The following ZNF521 variants were observed in gnomAD, a reference collection of about 807,000 sequenced individuals.
ZNF521 encodes zinc finger protein 521, also known as LYST-interacting protein 3.
ZNF521 carries 14 observed loss-of-function variants against 105.5 expected under a neutral mutation model. That is an observed-to-expected ratio of 0.13 (90% CI 0.09 to 0.21). The LOEUF (loss-of-function observed/expected upper bound fraction) is 0.21. Among genes scored for constraint, ZNF521 ranks in the 10% least tolerant of loss-of-function variants. The pLI is 1.00. For missense variants in ZNF521, 1,233 were observed against 1,629.7 expected (o/e 0.76, Z 4.19); for synonymous variants, 635 against 606.0 (o/e 1.05, Z -0.70).
chr18:25,268,352 AAC>A (rs1419113001), intron 3 of ZNF521, among the ~76,000 whole-genome samples: 2 of 152,242 alleles, frequency 1.3e-5, no homozygotes, highest in African/African-American at 4.8e-5. Flanking sequence ...CAAGTTGGAA[AAC>A]ACACTTCAGG....
chr18:25,258,985 C>T (rs566055749), intron 3 of ZNF521, among the ~76,000 whole-genome samples: 9 of 152,246 alleles, frequency 5.9e-5, no homozygotes, highest in Non-Finnish European at 1.0e-4. Context: ...TTACACTTCA[C>T]AAAAACCTGT....
chr18:25,223,669 A>C (rs1905888783), intron 4 of ZNF521, among the ~76,000 whole-genome samples: 1 of 152,126 alleles, frequency 6.6e-6, no homozygotes, highest in Non-Finnish European at 1.5e-5. Context: ...AAGAAAGCAG[A>C]AAACTACTCT....
At chr18:25,197,888 T>G (rs1218078893) in intron 4 of ZNF521, among the ~76,000 whole-genome samples, 4 of 151,822 alleles carry the variant, frequency 2.6e-5, no homozygotes, top group African/African-American at 9.7e-5. Flanking sequence ...CCAAATGAAG[T>G]GCCATACTCC....
chr18:25,180,425 T>C (rs2035612433), intron 5 of ZNF521, among the ~76,000 whole-genome samples: 1 of 152,108 alleles, frequency 6.6e-6, no homozygotes, highest in Non-Finnish European at 1.5e-5. Context: ...TTCTTCACAT[T>C]TGGATCTCAC....
intron 5 of ZNF521, among the ~76,000 whole-genome samples, chr18:25,109,373 T>C (rs1159583230): frequency 6.6e-6 from 1 of 152,244 alleles, no homozygotes; most frequent in Non-Finnish European, 1.5e-5. Flanking sequence ...GCATTTAGGT[T>C]GATTCCATTG....
intron 5 of ZNF521, among the ~76,000 whole-genome samples, chr18:25,172,602 A>G (rs1397100492): frequency 2.0e-5 from 3 of 152,226 alleles, no homozygotes; most frequent in East Asian, 3.8e-4. Context: ...AGCACTTTTT[A>G]GTACCTAAGC....
At position 25,287,118 on chromosome 18, in the gene ZNF521, C is replaced by T. The variant is rs1043271390; in HGVS notation, c.220+34890G>A. Among the ~76,000 whole-genome samples, 8 of 152,140 alleles carry T rather than the reference C, an allele frequency of 5.3e-5. 1 individual carries two copies. Among genetic ancestry groups the T allele is most frequent in the Non-Finnish European group, 8.8e-5 (6 of 68,020 alleles). On this transcript the variant is annotated intron_variant, in intron 3 of 7. Transcript: ENST00000361524. ...CTCTGTAACTAATACAGAATATCCT[C>T]AAAGAACAAAGAGACCAAACATACC...
At position 25,259,148 on chromosome 18, in the gene ZNF521, T is replaced by C. The variant is rs557522246; in HGVS notation, c.221-31451A>G. On this transcript the variant is annotated intron_variant, in intron 3 of 7. Transcript: ENST00000361524. ...CAACAACATGGCAGCTAAGAAAGTTTACACCAAAAAGAGAAAGCTAGTCTT... is the reference window on the plus strand; with the variant it reads ...CAACAACATGGCAGCTAAGAAAGTTCACACCAAAAAGAGAAAGCTAGTCTT... Among the ~76,000 whole-genome samples the C allele has an allele frequency of 2.6e-3, 391 of 152,276 alleles. 3 individuals carry two copies. Among genetic ancestry groups the C allele is most frequent in the African/African-American group, 8.6e-3 (359 of 41,568 alleles).
chr18:25,244,290 A>G (rs1288299706), intron 3 of ZNF521, among the ~76,000 whole-genome samples: 3 of 144,188 alleles, frequency 2.1e-5, no homozygotes, highest in African/African-American at 7.5e-5. Flanking sequence ...GTGCACACAC[A>G]CACACACACA....
At chr18:25,186,178 G>C (rs2035719373) in intron 5 of ZNF521, among the ~76,000 whole-genome samples, 1 of 152,116 alleles carries the variant, frequency 6.6e-6, no homozygotes, top group African/African-American at 2.4e-5. Flanking sequence ...TCCTCACCAA[G>C]GATCACTGAG....
chr18:25,258,535 A>C (rs1433397867), intron 3 of ZNF521, among the ~76,000 whole-genome samples: 2 of 152,198 alleles, frequency 1.3e-5, no homozygotes, highest in Admixed American at 6.6e-5. Context: ...ATATGTTAAA[A>C]GAATAGCTTC....
At chr18:25,273,809 C>T (rs1184225016) in intron 3 of ZNF521, among the ~76,000 whole-genome samples, 1 of 152,060 alleles carries the variant, frequency 6.6e-6, no homozygotes, top group Non-Finnish European at 1.5e-5. Flanking sequence ...CTTGTACAGG[C>T]CTTATTATAA....
intron 3 of ZNF521, among the ~76,000 whole-genome samples, chr18:25,261,010 C>G (rs1908871897): frequency 6.6e-6 from 1 of 152,152 alleles, no homozygotes; most frequent in Non-Finnish European, 1.5e-5. Context: ...AAAGCAAGCT[C>G]CTTCTCTGCT....
At chr18:25,260,996 T>G (rs1908871140) in intron 3 of ZNF521, among the ~76,000 whole-genome samples, 1 of 152,162 alleles carries the variant, frequency 6.6e-6, no homozygotes, top group African/African-American at 2.4e-5. Context: ...TCAGGATACT[T>G]CATAAAGCAA....
chr18:25,251,802 G>C (rs112776727), intron 3 of ZNF521, among the ~76,000 whole-genome samples: 1 of 151,836 alleles, frequency 6.6e-6, no homozygotes, highest in East Asian at 1.9e-4. Context: ...CCTTATACAA[G>C]GAATAATTCA....
At chr18:25,327,491 T>G in intron 2 of ZNF521, 1 of 1,053,758 alleles carries the variant, frequency 9.5e-7, no homozygotes. Flanking sequence ...ATAAACCATA[T>G]CTGAAAGCAC....
rs34563599 is a variant in ZNF521 at position 25,205,141 on chromosome 18, TAAAAAAA to T, written c.3574-9904_3574-9898del. ...GACTAAATTGATGCCGTAGTGAAGG[TAAAAAAA>T]AAAAAAAAAAAAAAAAAAAAAAATT... On this transcript the variant is annotated intron_variant, in intron 4 of 7. Transcript: ENST00000361524. 2.5e-3 allele frequency among the ~76,000 whole-genome samples: 190 copies of T among 74,920 alleles called. 3 individuals carry two copies. The highest frequency in any genetic ancestry group is 0.017 in the Middle Eastern group (2 of 116). 49.2% of individuals were successfully genotyped at this position (74,920 alleles called of 152,430 possible).
At chr18:25,203,927 C>T (rs1278085102) in intron 4 of ZNF521, among the ~76,000 whole-genome samples, 4 of 152,112 alleles carry the variant, frequency 2.6e-5, no homozygotes, top group Admixed American at 6.5e-5. Context: ...AGGTGGATCT[C>T]TCAAAGCTTG....
Position 25,196,995 on chromosome 18 carries a change from T to C in ZNF521, c.3574-1751A>G, listed in dbSNP as rs190047726. 6.6e-5 allele frequency among the ~76,000 whole-genome samples: 10 copies of C among 151,864 alleles called. No homozygotes were observed. In the East Asian group the frequency reaches 1.9e-3, roughly 29 times the overall value. ...CTCCAAAAATGATGACTGATGAATA[T>C]GTTGGCAGAATATACTAGGGCTTTT... On this transcript the variant is annotated intron_variant, in intron 4 of 7. Coordinates refer to ENST00000361524, the MANE Select transcript of ZNF521 (RefSeq NM_015461.3).
Sources: gnomAD v4.1 joint callset for allele counts (sites outside exome capture counted in the v4.1 genomes callset) on GRCh38, gnomAD v4.1.1 for gene constraint, MANE v1.5 for transcripts, NCBI Gene and HGNC (gene_info 2026-07-23, HGNC 2026-07-21) for gene names.